The following MAML3 variants were observed in gnomAD, a reference collection of about 807,000 sequenced individuals.
The protein encoded by MAML3 is mastermind-like protein 3.
A neutral mutation model predicts 101.9 loss-of-function variants in MAML3; 27 were observed. The ratio of observed to expected loss-of-function variants is 0.27; its 90% CI spans 0.20 to 0.37. MAML3 has a LOEUF of 0.37. MAML3 is among the 10% of genes least tolerant of loss of function. MAML3 has a pLI of 1.00. For missense variants in MAML3, 1,316 were observed against 1,444.9 expected (o/e 0.91, Z 1.45); for synonymous variants, 501 against 555.9 (o/e 0.90, Z 1.39).
chr4:140,034,479 T>C (rs1726954157), intron 1 of MAML3, among the ~76,000 whole-genome samples: 1 of 152,212 alleles, frequency 6.6e-6, no homozygotes, highest in African/African-American at 2.4e-5. Flanking sequence ...GGCAGAATAC[T>C]GAAGAACAAG....
At chr4:140,146,961 T>C (rs575139948) in intron 1 of MAML3, among the ~76,000 whole-genome samples, 25 of 151,762 alleles carry the variant, frequency 1.6e-4, no homozygotes, top group Non-Finnish European at 3.4e-4. Flanking sequence ...TGGTGAAACC[T>C]GTCTCTACTA....
intron 2 of MAML3, among the ~76,000 whole-genome samples, chr4:139,753,971 A>G (rs1458974590): frequency 6.6e-6 from 1 of 152,230 alleles, no homozygotes; most frequent in Non-Finnish European, 1.5e-5. Context: ...GGTAAGAGTT[A>G]ATGAAAAACC....
At chr4:140,098,354 T>C (rs145985565) in intron 1 of MAML3, among the ~76,000 whole-genome samples, 1 of 152,214 alleles carries the variant, frequency 6.6e-6, no homozygotes, top group African/African-American at 2.4e-5. Context: ...GGTTTCATCA[T>C]TTTTTATGAA....
At chr4:140,080,444 G>T (rs555868842) in intron 1 of MAML3, among the ~76,000 whole-genome samples, 112 of 152,334 alleles carry the variant, frequency 7.4e-4, no homozygotes, top group African/African-American at 2.2e-3. Flanking sequence ...AAAGTGCATG[G>T]TGAGAGGCCC....
intron 2 of MAML3, among the ~76,000 whole-genome samples, chr4:139,760,484 G>C (rs1729733361): frequency 6.6e-6 from 1 of 152,182 alleles, no homozygotes; most frequent in Non-Finnish European, 1.5e-5. Context: ...AAAAGGGACT[G>C]ATGGCACCAT....
chr4:140,087,729 A>C (rs1727976066), intron 1 of MAML3, among the ~76,000 whole-genome samples: 1 of 152,118 alleles, frequency 6.6e-6, no homozygotes, highest in Non-Finnish European at 1.5e-5. Flanking sequence ...TCAGGGTGAT[A>C]ATTTATCATC....
At chr4:139,861,850 C>T (rs1402067675) in intron 2 of MAML3, among the ~76,000 whole-genome samples, 5 of 152,130 alleles carry the variant, frequency 3.3e-5, no homozygotes, top group Admixed American at 6.5e-5. Context: ...TAAGACCTTA[C>T]GAGCTGGTTT....
intron 1 of MAML3, among the ~76,000 whole-genome samples, chr4:139,899,797 CTGTATATATCACATATAATAT>C (rs2111210304): frequency 6.6e-6 from 1 of 152,238 alleles, no homozygotes; most frequent in South Asian, 2.1e-4. Context: ...TGTATATAAT[CTGTATATATCACATATAATAT>C]TGCCATAAGA....
At chr4:140,027,594 G>A (rs947251958) in intron 1 of MAML3, among the ~76,000 whole-genome samples, 6 of 152,130 alleles carry the variant, frequency 3.9e-5, no homozygotes, top group Non-Finnish European at 8.8e-5. Context: ...TCTCTCGTTC[G>A]CGTCTACAAA....
At position 139,730,495 on chromosome 4, in the gene MAML3, A is replaced by G. The variant is rs200007546; in HGVS notation, c.2252T>C (p.Ile751Thr). 7.3e-5 allele frequency: 114 copies of G among 1,554,254 alleles called. No individual in the cohort carries two copies. The highest frequency in any genetic ancestry group is 3.8e-4 in the African/African-American group (28 of 73,154). ...QMLIDQRAQLIEQQKQQFLRE... is the reference protein window; with the variant it reads ...QMLIDQRAQLTEQQKQQFLRE... ...CAGGAACTGTTGCTTCTGCTGCTCT[A>G]TCAACTGGGCCCGCTGATCAATGAG... The change falls in exon 3 of 5, where the codon ATA (isoleucine) becomes ACA (threonine). Residue 751 changes from isoleucine (I) to threonine (T), a missense_variant. Transcript: ENST00000509479.
chr4:140,011,911 G>C (rs1203999067), intron 1 of MAML3, among the ~76,000 whole-genome samples: 2 of 151,806 alleles, frequency 1.3e-5, no homozygotes, highest in Non-Finnish European at 2.9e-5. Flanking sequence ...TTTTTATGGA[G>C]AATTACAATG....
chr4:139,930,203 G>C (rs987208146), intron 1 of MAML3, among the ~76,000 whole-genome samples: 1 of 152,154 alleles, frequency 6.6e-6, no homozygotes, highest in African/African-American at 2.4e-5. Flanking sequence ...AAAGTACCAC[G>C]TGGAAGATGG....
chr4:139,823,678 A>C (rs1156361253), intron 2 of MAML3, among the ~76,000 whole-genome samples: 1 of 151,040 alleles, frequency 6.6e-6, no homozygotes, highest in Non-Finnish European at 1.5e-5. Flanking sequence ...TCTTTGTTCC[A>C]TAGCACTTAT....
chr4:139,987,237 C>T (rs139170810), intron 1 of MAML3, among the ~76,000 whole-genome samples: 2 of 152,286 alleles, frequency 1.3e-5, no homozygotes, highest in Non-Finnish European at 2.9e-5. Context: ...AGAGGGAGGA[C>T]AGTTTATAAA....
chr4:139,860,591 C>G (rs772888441), intron 2 of MAML3, among the ~76,000 whole-genome samples: 5 of 152,218 alleles, frequency 3.3e-5, no homozygotes, highest in Non-Finnish European at 7.3e-5. Flanking sequence ...GTCCACCGTC[C>G]TGCACCCACT....
chr4:139,951,582 C>T (rs559124353), intron 1 of MAML3, among the ~76,000 whole-genome samples: 2 of 152,288 alleles, frequency 1.3e-5, no homozygotes, highest in South Asian at 4.1e-4. Flanking sequence ...GGGAGCCATT[C>T]CCTCTACCAC....
Position 139,730,679 on chromosome 4 carries a change from A to T in MAML3, c.2080-12T>A. The T allele has an allele frequency of 6.2e-7, 1 of 1,606,076 alleles. No individual in the cohort carries two copies. The highest frequency in any genetic ancestry group is 1.1e-5 in the South Asian group (1 of 90,146). Reference sequence around the variant, plus strand: ...ACTGGATGCTGCTCCTGGGAAGACAAGAGAGAGGGAGATGCAGGGATTCCC... The same window carrying T: ...ACTGGATGCTGCTCCTGGGAAGACATGAGAGAGGGAGATGCAGGGATTCCC... On this transcript the variant is annotated splice_polypyrimidine_tract_variant and intron_variant, in intron 2 of 4. Transcript: ENST00000509479.
intron 2 of MAML3, among the ~76,000 whole-genome samples, chr4:139,795,598 G>A (rs1429352790): frequency 1.3e-5 from 2 of 152,162 alleles, no homozygotes; most frequent in African/African-American, 4.8e-5. Flanking sequence ...CACAATTTCT[G>A]GTAAGTAACG....
At chr4:139,902,926 C>T (rs1320986212) in intron 1 of MAML3, among the ~76,000 whole-genome samples, 1 of 152,108 alleles carries the variant, frequency 6.6e-6, no homozygotes, top group Non-Finnish European at 1.5e-5. Flanking sequence ...CCTCTGTGTC[C>T]AATCTGAAGC....
Sources: gnomAD v4.1 joint callset for allele counts (sites outside exome capture counted in the v4.1 genomes callset) on GRCh38, gnomAD v4.1.1 for gene constraint, MANE v1.5 for transcripts, NCBI Gene and HGNC (gene_info 2026-07-23, HGNC 2026-07-21) for gene names.